The following NBPF14 variants were observed in gnomAD, a reference collection of about 807,000 sequenced individuals.
NBPF14 encodes the protein NBPF member 14.
NBPF14 carries 104 observed loss-of-function variants against 91.2 expected under a neutral mutation model. The observed-to-expected ratio is 1.14, with a 90% CI of 0.97 to 1.34. The LOEUF (loss-of-function observed/expected upper bound fraction) is 1.34. Among genes scored for constraint, NBPF14 ranks in the 40% most tolerant of loss-of-function variants. NBPF14 has a pLI of 0.00. For missense variants in NBPF14, 908 were observed against 783.0 expected (o/e 1.16, Z -1.91); for synonymous variants, 294 against 303.8 (o/e 0.97, Z 0.34).
rs1660072131 is a variant in NBPF14, at chr1:148,577,543, GA to G, written c.1854-189del. On this transcript the variant is annotated intron_variant, in intron 14 of 70. Transcript: ENST00000619423. ...CAGGTAGAAAAGGATGAACGAGAAA[GA>G]CACACACACACACACACACACACAC... Among the ~76,000 whole-genome samples, 4 of 141,244 alleles carry G rather than the reference GA, an allele frequency of 2.8e-5. No individual in the cohort carries two copies. The East Asian group carries it at 8.4e-4, about 30-fold the overall frequency. The allele number at this position is 141,244 out of a possible 152,430, so 92.7% of individuals were successfully genotyped here. A position where few individuals can be genotyped will look rare whatever the true frequency, so the allele number is the denominator to read the frequency against.
chr1:148,561,788 C>T (rs1414122304), intron 34 of NBPF14, among the ~76,000 whole-genome samples: 2 of 123,344 alleles, frequency 1.6e-5, no homozygotes, highest in East Asian at 4.8e-4. Context: ...CACACACACA[C>T]ACACACACAC....
chr1:148,577,509 G>A (rs1267416380), intron 14 of NBPF14, among the ~76,000 whole-genome samples, 154 bp from the exon 15 acceptor site: 1 of 150,934 alleles, frequency 6.6e-6, no homozygotes, highest in Non-Finnish European at 1.5e-5. Context: ...TGTTGGGATA[G>A]ACTATGGCCA....
chr1:148,559,436 G>C lies in NBPF14; in HGVS notation c.4729+357C>G, dbSNP rs1289212209. On this transcript the variant is annotated intron_variant, in intron 37 of 70. Transcript: ENST00000619423. Reference sequence around the variant, plus strand: ...CTCATCAAATACTCAGATTGTTCATGGTAGCGAGGATTTCAGACGCTGAAA... The same window carrying C: ...CTCATCAAATACTCAGATTGTTCATCGTAGCGAGGATTTCAGACGCTGAAA... 6.0e-5 allele frequency among the ~76,000 whole-genome samples: 8 copies of C among 133,492 alleles called. 2 individuals are homozygous for C. Among genetic ancestry groups the C allele is most frequent in the African/African-American group, 2.9e-4 (8 of 27,884 alleles). The allele number at this position is 133,492 out of a possible 152,430, so 87.6% of individuals were successfully genotyped here.
Position 148,586,892 on chromosome 1 carries a change from A to G in NBPF14, c.1091+409T>C, listed in dbSNP as rs1661625780. On this transcript the variant is annotated intron_variant, in intron 8 of 70. Coordinates refer to ENST00000619423, the Ensembl canonical transcript of NBPF14. ...CGAATTGAAAAGATGAAAGAAGAAA[A>G]GAATGACAGGGTCGAGGAGGCAACA... 1.4e-5 allele frequency among the ~76,000 whole-genome samples: 2 copies of G among 142,570 alleles called. 1 individual carries two copies. The allele number at this position is 142,570 out of a possible 152,430, so 93.5% of individuals were successfully genotyped here.
At chr1:148,572,734 A>T (rs1390985459) in intron 20 of NBPF14, 119 bp from the exon 21 acceptor site, 8 of 591,776 alleles carry the variant, frequency 1.4e-5, no homozygotes, top group Admixed American at 2.4e-5. Flanking sequence ...AGATCCATTA[A>T]TGAGGTAACA....
Position 148,591,511 on chromosome 1 carries a change from A to T in NBPF14, c.494-7T>A. The T allele has an allele frequency of 6.2e-7, 1 of 1,610,108 alleles. No individual in the cohort carries two copies. The highest frequency in any genetic ancestry group is 1.1e-5 in the South Asian group (1 of 90,872). On this transcript the variant is annotated splice_region_variant and splice_polypyrimidine_tract_variant and intron_variant, in intron 4 of 70. Transcript: ENST00000619423. ...TCCTCATCTTCGTCATTTTCTAGAA[A>T]TACAAAATGTTCGTTCAGATATTTC...
intron 68 of NBPF14, 115 bp from the exon 69 acceptor site, chr1:148,534,971 A>C (rs1462753316): frequency 5.4e-6 from 4 of 736,882 alleles, no homozygotes; most frequent in South Asian, 2.9e-5. Flanking sequence ...GGACAGATCC[A>C]TTAATGAGGT....
rs1658237098 is a variant in NBPF14, at chr1:148,566,258, A to T, written c.3600T>A (p.Asp1200Glu). ...AACTGGAAGGAGTTGAATAACATCT[A>T]TCCAGTGAGTCCTGCAAGACTTCAG... is the stretch of plus-strand genomic sequence containing the variant. Residue 1200 changes from aspartate to glutamate, a missense_variant, in exon 29 of 71, where the codon GAT becomes GAA. This residue lies in a region of NBPF14 where 447 missense variants were observed against 189.1 expected (regional missense o/e 2.36). Transcript: ENST00000619423. 3 of 637,100 alleles carry T rather than the reference A, an allele frequency of 4.7e-6. No individual in the cohort carries two copies. In the East Asian group the frequency reaches 9.1e-5, roughly 19 times the overall value. 39.5% of individuals were successfully genotyped at this position (637,100 alleles called of 1,614,324 possible).
At chr1:148,593,950 C>T (rs1357371458) in intron 2 of NBPF14, among the ~76,000 whole-genome samples, 8 of 149,982 alleles carry the variant, frequency 5.3e-5, no homozygotes, top group South Asian at 2.1e-4. Context: ...TCAACCACAA[C>T]GAAGTGGAGT....
chr1:148,568,827 G>A (rs1658732347), intron 25 of NBPF14, among the ~76,000 whole-genome samples: 2 of 137,832 alleles, frequency 1.5e-5, no homozygotes, highest in African/African-American at 2.6e-5. Context: ...TAAAGCAAAT[G>A]CCCCCAAATG....
At chr1:148,534,323 A>T (rs1486920733) in intron 69 of NBPF14, among the ~76,000 whole-genome samples, 1 of 151,836 alleles carries the variant, frequency 6.6e-6, no homozygotes, top group African/African-American at 2.4e-5. Context: ...AAATACTCAG[A>T]TTGTTCATGG....
chr1:148,587,291 G>C lies in NBPF14; in HGVS notation c.1091+10C>G. 1.3e-6 allele frequency: 2 copies of C among 1,575,950 alleles called. 1 individual carries two copies. Among genetic ancestry groups the C allele is most frequent in the Non-Finnish European group, 1.7e-6 (2 of 1,153,820 alleles). On this transcript the variant is annotated intron_variant, in intron 8 of 70. Transcript: ENST00000619423. Reference sequence around the variant, plus strand: ...CTGCCCCCCTGCCTGCCCCCATGGGGTCCCCTCACCTGAGCTCCTCAGCTT... The same window carrying C: ...CTGCCCCCCTGCCTGCCCCCATGGGCTCCCCTCACCTGAGCTCCTCAGCTT...
At chr1:148,585,490 G>A (rs1191560721) in intron 9 of NBPF14, among the ~76,000 whole-genome samples, 42 of 149,254 alleles carry the variant, frequency 2.8e-4, no homozygotes, top group South Asian at 6.5e-4. Flanking sequence ...CTCTCTGGAC[G>A]TTGGCAGCTG....
At chr1:148,589,733 G>T (rs1210681695) in intron 6 of NBPF14, among the ~76,000 whole-genome samples, 6 of 139,888 alleles carry the variant, frequency 4.3e-5, no homozygotes, top group African/African-American at 1.0e-4. Context: ...TTCTTTTTTG[G>T]TTTTTTGTTT....
chr1:148,589,959 T>C, intron 6 of NBPF14, among the ~76,000 whole-genome samples: 1 of 147,360 alleles, frequency 6.8e-6, no homozygotes, highest in South Asian at 2.2e-4. Flanking sequence ...TTCGAACTCC[T>C]GAGCTCAGGT....
chr1:148,559,509 T>A (rs1325411807), intron 37 of NBPF14, among the ~76,000 whole-genome samples: 2 of 124,434 alleles, frequency 1.6e-5, no homozygotes, highest in Non-Finnish European at 3.1e-5. Flanking sequence ...TGAGACAAAA[T>A]CAGAGTTGTG....
At chr1:148,534,282 G>C (rs1553332126) in intron 69 of NBPF14, among the ~76,000 whole-genome samples, 2 of 151,860 alleles carry the variant, frequency 1.3e-5, no homozygotes, top group Middle Eastern at 3.4e-3. Flanking sequence ...ATTTCTAGGA[G>C]AAAAACTGCA....
intron 12 of NBPF14, among the ~76,000 whole-genome samples, chr1:148,580,801 T>C (rs1212352170): frequency 7.7e-5 from 3 of 38,996 alleles, no homozygotes; most frequent in Non-Finnish European, 4.1e-5. Context: ...TTCAACATTC[T>C]TTTTTTTTTC....
rs1461516738 is a variant in NBPF14, at chr1:148,593,322, G to T, written c.278+276C>A. On this transcript the variant is annotated intron_variant, in intron 3 of 70. Transcript: ENST00000619423. ...ATTTTGATTATACTGAATGCTGCTG[G>T]GTGGTTCCCACTCCTTTGGTGAATT... 9.9e-4 allele frequency among the ~76,000 whole-genome samples: 147 copies of T among 148,830 alleles called. 5 individuals are homozygous for T. The highest frequency in any genetic ancestry group is 3.1e-3 in the African/African-American group (129 of 41,094).
Sources: allele counts gnomAD v4.1 joint callset (sites outside exome capture counted in the v4.1 genomes callset), GRCh38; gene constraint gnomAD v4.1.1; regional missense constraint gnomAD v4.1.1; transcripts MANE v1.5; gene names NCBI Gene and HGNC (gene_info 2026-07-23, HGNC 2026-07-21).